A2M: variants seen among roughly 807,000 people sequenced by gnomAD.
A2M encodes C3 and PZP-like alpha-2-macroglobulin domain-containing protein 5.
In A2M, 128 loss-of-function variants were observed where a neutral mutation model predicts 183.9. The ratio of observed to expected loss-of-function variants is 0.70; its 90% CI spans 0.60 to 0.81. The LOEUF (loss-of-function observed/expected upper bound fraction) is 0.81, where lower values mean the gene tolerates loss of function less well. Among genes scored for constraint, A2M ranks in the 30% least tolerant of loss-of-function variants. A2M has a pLI of 0.00. For missense variants in A2M, 1,495 were observed against 1,787.6 expected, an observed-to-expected ratio of 0.84 and a Z score of 2.95; for synonymous variants, 592 against 670.8, an observed-to-expected ratio of 0.88 and a Z score of 1.81.
At position 9,089,185 on chromosome 12, in the gene A2M, A is replaced by G. The variant is rs1277385805; in HGVS notation, c.2770+15T>C. 6.4e-7 allele frequency: 1 copy of G among 1,559,384 alleles called. No individual in the cohort carries two copies. Among genetic ancestry groups the G allele is most frequent in the South Asian group, 1.2e-5 (1 of 84,856 alleles). Reference sequence around the variant, plus strand: ...AGACTTTAATGTTTTTTAAATTATGATGGTTGACTCTTACCTGATGGACAA... The same window carrying G: ...AGACTTTAATGTTTTTTAAATTATGGTGGTTGACTCTTACCTGATGGACAA... On this transcript the variant is annotated intron_variant, in intron 22 of 35. Transcript: ENST00000318602.
intron 11 of A2M, among the ~76,000 whole-genome samples, chr12:9,101,911 A>C (rs978343052): frequency 2.0e-5 from 3 of 152,168 alleles, no homozygotes; most frequent in African/African-American, 7.2e-5. Context: ...TTAAGAGCAT[A>C]AAAGGAGGCA....
chr12:9,068,604 G>T (rs1355573964), intron 34 of A2M, 136 bp downstream of exon 34: 2 of 728,858 alleles, frequency 2.7e-6, no homozygotes, highest in East Asian at 2.7e-5. Flanking sequence ...AAAAAGAGGG[G>T]CATCAGACTT....
rs1949205982 is a variant in A2M, at chr12:9,091,303, G to C, written c.2367C>G (p.Phe789Leu). 6.2e-7 allele frequency: 1 copy of C among 1,614,060 alleles called. No homozygotes were observed. Among genetic ancestry groups the C allele is most frequent in the Non-Finnish European group, 8.5e-7 (1 of 1,180,038 alleles). The change falls in exon 19 of 36, where the codon TTC becomes TTG. Residue 789 changes from phenylalanine (F) to leucine (L), a missense_variant. Physicochemically the swap from Phe to Leu is conservative, Grantham distance 22 (BLOSUM62 0). Coordinates refer to ENST00000318602, the MANE Select transcript of A2M (RefSeq NM_000014.6). ...TTGTGAGCTCCACAAAGAAGGGCTG[G>C]AAGGCTCGGAGAGAGGCAGTGGAAG... Reference protein sequence around the residue: ...GISSTASLRAFQPFFVELTMP... With the variant: ...GISSTASLRALQPFFVELTMP...
chr12:9,100,840 G>T (rs1384487196), intron 13 of A2M, among the ~76,000 whole-genome samples: 1 of 152,152 alleles, frequency 6.6e-6, no homozygotes, highest in Non-Finnish European at 1.5e-5. Flanking sequence ...TAGGAAGTGG[G>T]AGCTAAGTTA....
Position 9,069,747 on chromosome 12 carries a change from T to C in A2M, c.4261A>G (p.Lys1421Glu), listed in dbSNP as rs760802751. 6.8e-6 allele frequency: 11 copies of C among 1,611,750 alleles called. No homozygotes were observed. The highest frequency in any genetic ancestry group is 1.7e-6 in the Non-Finnish European group (2 of 1,178,758). The change falls in exon 33 of 36, where the codon AAG becomes GAG. Residue 1421 changes from lysine to glutamate, a missense_variant and splice_region_variant. Transcript: ENST00000318602. ...AAATAGACTGGAAGTTCTCTTACCT[T>C]ATCAAGGTAAATCAAGACATGGTTG... ...SSNHVLIYLD[K>E]VSNQTLSLFF...
intron 18 of A2M, 57 bp downstream of exon 18, chr12:9,093,408 T>G: frequency 8.3e-7 from 1 of 1,198,602 alleles, no homozygotes; most frequent in South Asian, 1.3e-5. Flanking sequence ...TAGCAAAGAG[T>G]TGAAAATAGT....
At chr12:9,081,025 T>A in intron 22 of A2M, among the ~76,000 whole-genome samples, 1 of 152,166 alleles carries the variant, frequency 6.6e-6, no homozygotes, top group Non-Finnish European at 1.5e-5. Flanking sequence ...GTAGCAGTTA[T>A]CTTCCCTTTC....
chr12:9,101,536 G>A lies in A2M; in HGVS notation c.1405C>T (p.Pro469Ser). 1 of 1,613,946 alleles carries A rather than the reference G, an allele frequency of 6.2e-7. No individual in the cohort carries two copies. Among genetic ancestry groups the A allele is most frequent in the Admixed American group, 1.7e-5 (1 of 60,026 alleles). ...TGGACTGTCTGAGTATGGCCACAGG[G>A]TAGTTCATGAGACATGGGCTCAAGG... ...VHLEPMSHEL[P>S]CGHTQTVQAH... The change falls in exon 12 of 36, where the codon CCC becomes TCC. Residue 469 changes from proline (P) to serine (S), a missense_variant. Coordinates refer to ENST00000318602, the MANE Select transcript of A2M (RefSeq NM_000014.6).
At chr12:9,112,651 G>T in intron 2 of A2M, 115 bp from the exon 3 acceptor site, 1 of 1,129,522 alleles carries the variant, frequency 8.9e-7, no homozygotes, top group Non-Finnish European at 1.3e-6. Flanking sequence ...TCACTCCCTT[G>T]TTCTCAGCAG....
chr12:9,078,130 G>A (rs1377305085), intron 25 of A2M, among the ~76,000 whole-genome samples: 3 of 152,088 alleles, frequency 2.0e-5, no homozygotes, highest in Admixed American at 1.3e-4. Context: ...TGTTACATAA[G>A]TATACGTGTG....
chr12:9,105,839 C>T (rs1350871392), intron 10 of A2M, among the ~76,000 whole-genome samples: 1 of 152,120 alleles, frequency 6.6e-6, no homozygotes, highest in Non-Finnish European at 1.5e-5. Flanking sequence ...TGTTTCCATA[C>T]AAAGTTAGTG....
At chr12:9,095,792 G>T in intron 15 of A2M, 92 bp from the exon 16 acceptor site, 3 of 1,156,586 alleles carry the variant, frequency 2.6e-6, no homozygotes, top group Non-Finnish European at 2.3e-6. Flanking sequence ...TCGCTCTGTC[G>T]CCCAGGCCGG....
chr12:9,108,601 A>C (rs1938487716), intron 7 of A2M, among the ~76,000 whole-genome samples: 1 of 152,180 alleles, frequency 6.6e-6, no homozygotes, highest in Admixed American at 6.5e-5. Context: ...ACAGAACTGG[A>C]GCAGGGGCCT....
chr12:9,090,955 C>T (rs1460864091), intron 19 of A2M, among the ~76,000 whole-genome samples: 3 of 152,146 alleles, frequency 2.0e-5, no homozygotes, highest in Non-Finnish European at 4.4e-5. Context: ...GAATAGAGTA[C>T]TGACTTTTGT....
chr12:9,111,616 A>G (rs924896521), intron 4 of A2M: 2 of 433,558 alleles, frequency 4.6e-6, no homozygotes, highest in South Asian at 1.7e-5. Context: ...CTTTGGAGCT[A>G]GAAGAGAAGA....
chr12:9,104,111 T>G, intron 11 of A2M, 128 bp downstream of exon 11: 1 of 919,134 alleles, frequency 1.1e-6, no homozygotes, highest in Non-Finnish European at 1.6e-6. Context: ...TAACCTTCAA[T>G]CGGTTTCTAA....
At chr12:9,102,008 G>A (rs1362833740) in intron 11 of A2M, among the ~76,000 whole-genome samples, 1 of 152,150 alleles carries the variant, frequency 6.6e-6, no homozygotes, top group Non-Finnish European at 1.5e-5. Flanking sequence ...ACTTCATTGA[G>A]GAGAGTAAAT....
In A2M at chr12:9,112,422, C is replaced by A; in HGVS notation, c.385G>T (p.Val129Phe). 1 of 1,613,954 alleles carries A rather than the reference C, an allele frequency of 6.2e-7. No individual in the cohort carries two copies. Among genetic ancestry groups the A allele is most frequent in the Non-Finnish European group, 8.5e-7 (1 of 1,179,868 alleles). ...TVMVKNEDSLVFVQTDKSIYK... is the reference protein window; with the variant it reads ...TVMVKNEDSLFFVQTDKSIYK... ...ATTGATTTGTCTGTCTGGACAAAGA[C>A]CAGACTGTCCTCGTTCTTAACCATC... Residue 129 changes from valine (V) to phenylalanine (F), a missense_variant, in exon 3 of 36, where the codon GTC becomes TTC. Transcript: ENST00000318602.
At position 9,110,352 on chromosome 12, in the gene A2M, AAAG is replaced by A. The variant is rs1592394316; in HGVS notation, c.484-21_484-19del. On this transcript the variant is annotated intron_variant, in intron 4 of 35. Coordinates refer to ENST00000318602, the MANE Select transcript of A2M (RefSeq NM_000014.6). Reference sequence around the variant, plus strand: ...AGTGGAATCTGAAAGACAAAAGAAAAAAGAAGTTTATAATTATTTTCAAATATT... The same window carrying A: ...AGTGGAATCTGAAAGACAAAAGAAAAAAGTTTATAATTATTTTCAAATATT... 3.6e-6 allele frequency: 5 copies of A among 1,386,272 alleles called. No homozygotes were observed. The highest frequency in any genetic ancestry group is 4.8e-6 in the Non-Finnish European group (5 of 1,035,812). 85.9% of individuals were successfully genotyped at this position (1,386,272 alleles called of 1,614,324 possible).
Sources: gnomAD v4.1 joint callset for allele counts (sites outside exome capture counted in the v4.1 genomes callset) on GRCh38, gnomAD v4.1.1 for gene constraint, MANE v1.5 for transcripts, NCBI Gene and HGNC (gene_info 2026-07-23, HGNC 2026-07-21) for gene names.